The following CENPM variants were observed in gnomAD, a reference collection of about 807,000 sequenced individuals.
CENPM encodes the protein centromere protein M.
In CENPM, 14 loss-of-function variants were observed where a neutral mutation model predicts 19.6. The observed-to-expected ratio is 0.71, with a 90% CI of 0.47 to 1.11. The LOEUF (loss-of-function observed/expected upper bound fraction) is 1.11. Among genes scored for constraint, CENPM ranks in the 50% most tolerant of loss-of-function variants. The pLI, the probability that CENPM is intolerant of heterozygous loss-of-function variation, is 0.00. For missense variants in CENPM, 239 were observed against 228.4 expected, an observed-to-expected ratio of 1.05 and a Z score of -0.30; for synonymous variants, 114 against 101.5, an observed-to-expected ratio of 1.12 and a Z score of -0.74.
At chr22:41,928,735 C>A in the CENPM span, among the ~76,000 whole-genome samples, 5 of 152,046 alleles carry the variant, frequency 3.3e-5, no homozygotes, top group African/African-American at 1.2e-4. This position sits in a 1 kb window ranked among gnomAD's most constrained non-coding sequence, Gnocchi z 4.0. Context: ...TGCGGATGGG[C>A]AGGGCACCAG....
chr22:41,940,270 G>A (rs891177988), intron 5 of CENPM: 47 of 679,872 alleles, frequency 6.9e-5, no homozygotes, highest in African/African-American at 1.1e-4. Context: ...TTGCAGGGGC[G>A]TTCCCTGGTT....
intron 4 of CENPM, 101 bp downstream of exon 4, chr22:41,945,124 A>G: frequency 1.3e-6 from 2 of 1,581,466 alleles, no homozygotes; most frequent in Non-Finnish European, 1.7e-6. Flanking sequence ...TGTAAAATAC[A>G]TGCTCTTTCC....
At chr22:41,930,430 A>G in the CENPM span, among the ~76,000 whole-genome samples, 15 of 151,610 alleles carry the variant, frequency 9.9e-5, no homozygotes, top group Non-Finnish European at 7.4e-5. Context: ...ATGGGGTTTC[A>G]CCATGCTAGC....
downstream of CENPM, among the ~76,000 whole-genome samples, chr22:41,936,289 G>T (rs867535287): frequency 6.6e-6 from 1 of 152,230 alleles, no homozygotes; most frequent in African/African-American, 2.4e-5. Flanking sequence ...ACAACGGTCT[G>T]TTTCATGAAC....
rs563014745 is a variant in CENPM at position 41,944,397 on chromosome 22, T to C, written c.311-696A>G. Among the ~76,000 whole-genome samples the C allele has an allele frequency of 9.9e-5, 13 of 131,938 alleles. No homozygotes were observed. In the East Asian group the frequency reaches 2.2e-3, roughly 22 times the overall value. 86.6% of individuals were successfully genotyped at this position (131,938 alleles called of 152,430 possible). A position where few individuals can be genotyped will look rare whatever the true frequency, so the allele number is the denominator to read the frequency against. On this transcript the variant is annotated intron_variant, in intron 4 of 5. Coordinates refer to ENST00000215980, the MANE Select transcript of CENPM (RefSeq NM_024053.5). The stretch of plus-strand genomic sequence containing the variant: ...GTTGCGGTGAGCTGAGATCACGCCA[T>C]AGCACTCCAGCCTGGGCGGCTGAGC...
At position 41,943,594 on chromosome 22, in the gene CENPM, T is replaced by C; in HGVS notation, c.402+16A>G. ...CACCCGAGTATAGTGTTGGTCTCTG[T>C]GATCAGCATGCTCACCTCCAGGTCA... On this transcript the variant is annotated intron_variant, in intron 5 of 5. Coordinates refer to ENST00000215980, the MANE Select transcript of CENPM (RefSeq NM_024053.5). 6.2e-7 allele frequency: 1 copy of C among 1,610,450 alleles called. No individual in the cohort carries two copies. The highest frequency in any genetic ancestry group is 8.5e-7 in the Non-Finnish European group (1 of 1,177,484).
intron 5 of CENPM, chr22:41,940,087 C>A: frequency 1.4e-6 from 1 of 730,478 alleles, no homozygotes; most frequent in South Asian, 1.5e-5. Context: ...TTTCTCCACC[C>A]CAACCCGCCC....
At chr22:41,937,698 C>T (rs1019327016), downstream of CENPM, among the ~76,000 whole-genome samples, 22 of 152,198 alleles carry the variant, frequency 1.4e-4, no homozygotes, top group African/African-American at 4.8e-4. Flanking sequence ...TTCAATCCTC[C>T]CAACGTGACA....
chr22:41,929,885 A>T, the CENPM span, among the ~76,000 whole-genome samples: 2 of 151,008 alleles, frequency 1.3e-5, no homozygotes, highest in Non-Finnish European at 2.9e-5. Context: ...CAATCAGACC[A>T]ATGTGGGGAA....
the CENPM span, among the ~76,000 whole-genome samples, chr22:41,930,724 T>C: frequency 6.6e-6 from 1 of 151,812 alleles, no homozygotes; most frequent in Non-Finnish European, 1.5e-5. Flanking sequence ...TTCGCCATGT[T>C]GGGGAGGCTA....
At chr22:41,929,148 C>T in the CENPM span, among the ~76,000 whole-genome samples, 8 of 148,072 alleles carry the variant, frequency 5.4e-5, no homozygotes, top group East Asian at 2.0e-4. Flanking sequence ...CGTGGGTGTA[C>T]GGTACAGGGA....
chr22:41,928,443 C>T, the CENPM span, among the ~76,000 whole-genome samples: 1 of 152,104 alleles, frequency 6.6e-6, no homozygotes, highest in African/African-American at 2.4e-5. This position sits in a 1 kb window ranked among gnomAD's most constrained non-coding sequence, Gnocchi z 4.0. Context: ...TCTGGGAGCT[C>T]AGGGCTCAGC....
the CENPM span, among the ~76,000 whole-genome samples, chr22:41,930,361 C>T: frequency 6.6e-6 from 1 of 151,808 alleles, no homozygotes; most frequent in Non-Finnish European, 1.5e-5. Flanking sequence ...TCCCACGTAG[C>T]TGGGACTACA....
chr22:41,927,366 C>T, the CENPM span, among the ~76,000 whole-genome samples: 3 of 152,148 alleles, frequency 2.0e-5, no homozygotes, highest in Admixed American at 6.5e-5. Context: ...GCAGCCAGGA[C>T]ACAGACCCTG....
At chr22:41,927,208 C>T in the CENPM span, among the ~76,000 whole-genome samples, 844 of 152,290 alleles carry the variant, frequency 5.5e-3, no homozygotes, top group Non-Finnish European at 9.6e-3. Context: ...GCGTGAGCCA[C>T]CGCACCCGGC....
chr22:41,939,338 C>T, intron 5 of CENPM, 142 bp from the exon 6 acceptor site: 3 of 982,410 alleles, frequency 3.1e-6, no homozygotes, highest in Admixed American at 2.8e-5. Flanking sequence ...CACAGCCACG[C>T]CCTCATTCAT....
the CENPM span, among the ~76,000 whole-genome samples, chr22:41,931,645 G>A: frequency 6.6e-6 from 1 of 152,208 alleles, no homozygotes; most frequent in Non-Finnish European, 1.5e-5. Flanking sequence ...AGGCTTTAAG[G>A]GGCAAGGGCC....
chr22:41,931,406 G>C, the CENPM span, among the ~76,000 whole-genome samples: 1 of 151,748 alleles, frequency 6.6e-6, no homozygotes, highest in South Asian at 2.1e-4. Flanking sequence ...TTTGAACCCG[G>C]AAGCCAGAGG....
downstream of CENPM, among the ~76,000 whole-genome samples, chr22:41,938,417 G>A (rs1481087347): frequency 2.1e-5 from 3 of 142,696 alleles, no homozygotes; most frequent in African/African-American, 8.2e-5. Context: ...CCAGGCTGGA[G>A]TGCAGTGGCA....
Sources: gnomAD v4.1 joint callset for allele counts (sites outside exome capture counted in the v4.1 genomes callset) on GRCh38, gnomAD v4.1.1 for gene constraint, Gnocchi (gnomAD v3.1) non-coding constraint, MANE v1.5 for transcripts, NCBI Gene and HGNC (gene_info 2026-07-23, HGNC 2026-07-21) for gene names.